Variants in GALNS observed in about 807,000 individuals in gnomAD.
GALNS encodes the protein N-acetylgalactosamine-6-sulfatase.
In GALNS, 65 loss-of-function variants were observed where a neutral mutation model predicts 65.9. The ratio of observed to expected loss-of-function variants is 0.99; its 90% CI spans 0.81 to 1.21. GALNS has a LOEUF of 1.21. Ranked by LOEUF, GALNS falls within the 50% of genes most tolerant of loss-of-function variation. GALNS has a pLI of 0.00. For synonymous variants in GALNS, 346 were observed against 288.9 expected, an observed-to-expected ratio of 1.20 and a Z score of -2.00; for missense variants, 776 against 700.7, an observed-to-expected ratio of 1.11 and a Z score of -1.21.
In GALNS at chr16:88,835,442, T is replaced by A. The variant is rs11076721; in HGVS notation, c.759-90A>T. The A allele has an allele frequency of 0.36, 547,782 of 1,516,084 alleles. 102,224 individuals carry two copies. Among genetic ancestry groups the A allele is most frequent in the East Asian group, 0.62 (27,143 of 43,712 alleles). The allele number at this position is 1,516,084 out of a possible 1,614,324, so 93.9% of individuals were successfully genotyped here. ...AACGGCATACTGTGATTCACGGAGTTCATTAAATCATAACTTCACAGACCA... is the reference window on the plus strand; with the variant it reads ...AACGGCATACTGTGATTCACGGAGTACATTAAATCATAACTTCACAGACCA... On this transcript the variant is annotated intron_variant, in intron 7 of 13. Coordinates refer to ENST00000268695, the MANE Select transcript of GALNS (RefSeq NM_000512.5).
At chr16:88,815,452 C>A in intron 13 of GALNS, 1 of 985,500 alleles carries the variant, frequency 1.0e-6, no homozygotes, top group Non-Finnish European at 1.2e-6. Context: ...GCGGAGCCCG[C>A]ACCCCTCCAT....
At chr16:88,818,880 A>G (rs1374541188) in intron 12 of GALNS, among the ~76,000 whole-genome samples, 5 of 152,216 alleles carry the variant, frequency 3.3e-5, no homozygotes, top group African/African-American at 1.2e-4. Context: ...GAGTTTCTCA[A>G]TGCCCAGGCT....
intron 4 of GALNS, among the ~76,000 whole-genome samples, chr16:88,839,759 T>TTC (rs1966883065): frequency 6.6e-6 from 1 of 152,084 alleles, no homozygotes; most frequent in Non-Finnish European, 1.5e-5. Context: ...CTCCTTGGGG[T>TTC]CCCCTCTCTC....
intron 9 of GALNS, among the ~76,000 whole-genome samples, chr16:88,830,469 C>T (rs1451420284): frequency 6.7e-6 from 1 of 148,366 alleles, no homozygotes; most frequent in Non-Finnish European, 1.5e-5. Flanking sequence ...GTGTGATGTT[C>T]CAGCTGCCAC....
intron 12 of GALNS, among the ~76,000 whole-genome samples, chr16:88,819,775 C>T (rs1274823426): frequency 6.6e-6 from 1 of 151,874 alleles, no homozygotes; most frequent in Non-Finnish European, 1.5e-5. Context: ...CTCACTGCAA[C>T]CTCCGCCTCC....
rs1967007062 is a variant in GALNS, at chr16:88,842,182, G to C, written c.245-211C>G. On this transcript the variant is annotated intron_variant, in intron 2 of 13. Transcript: ENST00000268695. ...TCCACTGAAAGACGCGTGGCCCTTG[G>C]GCCCTGCAGCTCAGCGTTGTCCCCA... 4 of 657,174 alleles carry C rather than the reference G, an allele frequency of 6.1e-6. No individual in the cohort carries two copies. The Admixed American group carries it at 8.4e-5, about 14-fold the overall frequency. 40.7% of individuals were successfully genotyped at this position (657,174 alleles called of 1,614,324 possible). A position where few individuals can be genotyped will look rare whatever the true frequency, so the allele number is the denominator to read the frequency against.
chr16:88,836,054 G>T (rs894421492), intron 6 of GALNS, 147 bp downstream of exon 6: 1 of 1,080,118 alleles, frequency 9.3e-7, no homozygotes, highest in African/African-American at 1.6e-5. Context: ...CGCGTCCCAC[G>T]GGGCGAGGGT....
chr16:88,815,450 C>T (rs554940990), intron 13 of GALNS: 66 of 985,464 alleles, frequency 6.7e-5, no homozygotes, highest in Middle Eastern at 5.2e-4. Flanking sequence ...GAGCGGAGCC[C>T]GCACCCCTCC....
chr16:88,831,980 C>T lies in GALNS; in HGVS notation c.1002+18G>A, dbSNP rs376019383. Reference sequence around the variant, plus strand: ...GGCCTGGACCTGCTGCCCGGCAGACCGGTGGACGCTGACTCACCTGGCCTG... The same window carrying T: ...GGCCTGGACCTGCTGCCCGGCAGACTGGTGGACGCTGACTCACCTGGCCTG... On this transcript the variant is annotated intron_variant, in intron 9 of 13. Transcript: ENST00000268695. The T allele has an allele frequency of 8.0e-5, 129 of 1,607,062 alleles. No homozygotes were observed. The highest frequency in any genetic ancestry group is 6.4e-4 in the African/African-American group (48 of 74,730).
intron 1 of GALNS, among the ~76,000 whole-genome samples, chr16:88,849,864 C>T (rs1215476200): frequency 6.6e-6 from 1 of 152,226 alleles, no homozygotes; most frequent in African/African-American, 2.4e-5. Context: ...GCAGGACGCC[C>T]GCAGAGCTGC....
At chr16:88,855,522 A>T in intron 1 of GALNS, 1 of 702,652 alleles carries the variant, frequency 1.4e-6, no homozygotes, top group Non-Finnish European at 2.6e-6. Flanking sequence ...GAAAGCAGTC[A>T]CTGCACACAA....
intron 12 of GALNS, among the ~76,000 whole-genome samples, chr16:88,820,833 G>C (rs1910133314): frequency 6.6e-6 from 1 of 152,250 alleles, no homozygotes; most frequent in Non-Finnish European, 1.5e-5. Flanking sequence ...TCCCTGGAGC[G>C]ACCAGCCTGT....
intron 10 of GALNS, among the ~76,000 whole-genome samples, chr16:88,825,230 GGGGCTGGGGTGTCTGGGTGGCCA>G (rs1291272477): frequency 0.016 from 2,165 of 131,780 alleles, 147 homozygotes; most frequent in African/African-American, 0.081. Context: ...CTGGGTGTCT[GGGGCTGGGGTGTCTGGGTGGCCA>G]GGGCTGGGGT....
intron 11 of GALNS, among the ~76,000 whole-genome samples, chr16:88,824,317 G>C (rs549889854): frequency 6.6e-6 from 1 of 152,044 alleles, no homozygotes; most frequent in Non-Finnish European, 1.5e-5. Context: ...GGCGGCAGGA[G>C]CCCCAGGCCC....
At position 88,835,161 on chromosome 16, in the gene GALNS, C is replaced by T. The variant is rs530952077; in HGVS notation, c.898+52G>A. On this transcript the variant is annotated intron_variant, in intron 8 of 13. Transcript: ENST00000268695. ...GGGCACAGCCGGTCCAGGCACTCTT[C>T]GCTGACACGCTGGCTGTGGGGAAAC... is the stretch of plus-strand genomic sequence containing the variant. 172 of 1,551,962 alleles carry T rather than the reference C, an allele frequency of 1.1e-4. No individual in the cohort carries two copies. In the African/African-American group the frequency reaches 1.6e-3, roughly 14 times the overall value.
At chr16:88,846,700 G>A (rs1253925083) in intron 1 of GALNS, among the ~76,000 whole-genome samples, 1 of 151,824 alleles carries the variant, frequency 6.6e-6, no homozygotes. Flanking sequence ...CCTCCATCAT[G>A]CTCAGCTAGT....
intron 1 of GALNS, among the ~76,000 whole-genome samples, chr16:88,847,617 C>A (rs77343371): frequency 2.0e-5 from 3 of 152,172 alleles, no homozygotes; most frequent in Non-Finnish European, 2.9e-5. Flanking sequence ...CTCCAAGAGC[C>A]GGAGAGAGGC....
rs999759935 is a variant in GALNS at position 88,814,337 on chromosome 16, CTTGGGCAGGG to C, written c.*92_*101del. ...GCGTCTGCAGGTGCTGTCTGTCTGG[CTTGGGCAGGG>C]TTGGGGGAGGACCGAGGCCAGAGCC... On this transcript the variant is annotated 3_prime_UTR_variant, in exon 14 of 14. Coordinates refer to ENST00000268695, the MANE Select transcript of GALNS (RefSeq NM_000512.5). 2.2e-5 allele frequency: 32 copies of C among 1,470,388 alleles called. No individual in the cohort carries two copies. The highest frequency in any genetic ancestry group is 2.4e-4 in the Middle Eastern group (1 of 4,230). 91.1% of individuals were successfully genotyped at this position (1,470,388 alleles called of 1,614,324 possible). A position where few individuals can be genotyped will look rare whatever the true frequency, so the allele number is the denominator to read the frequency against.
At chr16:88,855,616 ATCTTT>A (rs1967790305) in intron 1 of GALNS, 1 of 634,980 alleles carries the variant, frequency 1.6e-6, no homozygotes, top group African/African-American at 1.8e-5. Flanking sequence ...GGTGTCTGTT[ATCTTT>A]TCAAGTATAT....
Sources: gnomAD v4.1 joint callset for allele counts (sites outside exome capture counted in the v4.1 genomes callset) on GRCh38, gnomAD v4.1.1 for gene constraint, MANE v1.5 for transcripts, NCBI Gene and HGNC (gene_info 2026-07-23, HGNC 2026-07-21) for gene names.